ATRIP: variants seen among roughly 807,000 people sequenced by gnomAD.
ATRIP encodes the protein ATR-interacting protein.
In ATRIP, 44 loss-of-function variants were observed where a neutral mutation model predicts 78.1. The ratio of observed to expected loss-of-function variants is 0.56; its 90% CI spans 0.44 to 0.72. The LOEUF (loss-of-function observed/expected upper bound fraction) is 0.72, where lower values mean the gene tolerates loss of function less well. Ranked by LOEUF, ATRIP falls within the 30% of genes least tolerant of loss-of-function variation. The pLI is 0.00. For synonymous variants in ATRIP, 388 were observed against 408.9 expected, an observed-to-expected ratio of 0.95 and a Z score of 0.62; for missense variants, 927 against 980.2, an observed-to-expected ratio of 0.95 and a Z score of 0.72.
chr3:48,466,254 G>C lies in ATRIP; in HGVS notation c.*700G>C. ...CACTTCCCGCCACTGCTGCCAGCGA[G>C]AGCCGCGGGAGAGTGTGCAGCCGAG... On this transcript the variant is annotated 3_prime_UTR_variant, in exon 13 of 13. Transcript: ENST00000320211. 1 of 612,480 alleles carries C rather than the reference G, an allele frequency of 1.6e-6. No individual in the cohort carries two copies. Among genetic ancestry groups the C allele is most frequent in the Non-Finnish European group, 2.9e-6 (1 of 344,356 alleles). The allele number at this position is 612,480 out of a possible 1,614,324, so 37.9% of individuals were successfully genotyped here.
chr3:48,463,929 G>C (rs771861040), intron 9 of ATRIP, 48 bp downstream of exon 9: 2 of 1,608,390 alleles, frequency 1.2e-6, no homozygotes, highest in African/African-American at 2.7e-5. Flanking sequence ...CAGATCAAGG[G>C]AAGGGTTGGG....
In ATRIP at chr3:48,447,043, C is replaced by T. The variant is rs778246445; in HGVS notation, c.198C>T (p.Leu66=). 4.5e-6 allele frequency: 7 copies of T among 1,570,028 alleles called. No individual in the cohort carries two copies. The highest frequency in any genetic ancestry group is 2.3e-5 in the South Asian group (2 of 86,396). Residue 66 remains leucine, a synonymous_variant, in exon 1 of 13, where the codon CTC becomes CTT. Coordinates refer to ENST00000320211, the MANE Select transcript of ATRIP (RefSeq NM_130384.3). ...TADDLEELDT[L]ASQALSQCPA... is the part of the protein sequence containing the mutation. ...ACGACCTGGAGGAGCTTGACACCCT[C>T]GCGTCACAGGCCCTGAGCCAATGTC...
Position 48,467,253 on chromosome 3 carries a change from G to GAT in ATRIP, c.*1700_*1701dup, listed in dbSNP as rs1344830762. Reference sequence around the variant, plus strand: ...TCCAGACTCGCACACGGCTGAGGGTGATGTCCTGGCCCTGCTCAGCATCTG... The same window carrying GAT: ...TCCAGACTCGCACACGGCTGAGGGTGATATGTCCTGGCCCTGCTCAGCATCTG... On this transcript the variant is annotated 3_prime_UTR_variant, in exon 13 of 13. Transcript: ENST00000320211. 1 of 1,614,032 alleles carries GAT rather than the reference G, an allele frequency of 6.2e-7. No homozygotes were observed. The highest frequency in any genetic ancestry group is 8.5e-7 in the Non-Finnish European group (1 of 1,180,032).
At chr3:48,451,383 C>G (rs1560102343) in intron 2 of ATRIP, among the ~76,000 whole-genome samples, 1 of 152,138 alleles carries the variant, frequency 6.6e-6, no homozygotes, top group African/African-American at 2.4e-5. Flanking sequence ...CCTAGCTACT[C>G]AAGAGGTTGA....
At chr3:48,459,595 A>G (rs1299636091) in intron 6 of ATRIP, 141 bp downstream of exon 6, 1 of 1,138,242 alleles carries the variant, frequency 8.8e-7, no homozygotes, top group Non-Finnish European at 1.3e-6. Context: ...GCTTAAGCAG[A>G]AGACTTTATA....
At chr3:48,462,580 G>A (rs1384611189) in intron 8 of ATRIP, among the ~76,000 whole-genome samples, 1 of 152,042 alleles carries the variant, frequency 6.6e-6, no homozygotes, top group Non-Finnish European at 1.5e-5. Flanking sequence ...GCAGGCACCT[G>A]TAGTCCCAGC....
chr3:48,463,688 T>C, intron 8 of ATRIP, 57 bp from the exon 9 acceptor site: 2 of 1,604,464 alleles, frequency 1.2e-6, no homozygotes, highest in African/African-American at 2.7e-5. Context: ...AGTGTGAAGG[T>C]AGGTTATGGA....
chr3:48,458,078 C>CT (rs1328630526), intron 5 of ATRIP, among the ~76,000 whole-genome samples: 1,808 of 133,806 alleles, frequency 0.014, 33 homozygotes, highest in African/African-American at 0.041. Context: ...ATTTGTGGGC[C>CT]TTTTTTTTTT....
intron 2 of ATRIP, among the ~76,000 whole-genome samples, 189 bp from the exon 3 acceptor site, chr3:48,451,537 TTGA>T (rs1317935196): frequency 6.6e-6 from 1 of 152,198 alleles, no homozygotes; most frequent in East Asian, 1.9e-4. Flanking sequence ...TTAAGCTATC[TTGA>T]TGAATATCAG....
At chr3:48,464,513 G>C in intron 10 of ATRIP, 69 bp from the exon 11 acceptor site, 2 of 1,509,692 alleles carry the variant, frequency 1.3e-6, no homozygotes, top group South Asian at 1.1e-5. Context: ...TCTTATAGAA[G>C]CTTAAGAAAA....
intron 3 of ATRIP, among the ~76,000 whole-genome samples, 174 bp downstream of exon 3, chr3:48,452,073 G>T (rs1649098142): frequency 6.6e-6 from 1 of 152,220 alleles, no homozygotes; most frequent in South Asian, 2.1e-4. Context: ...TTTGGAAAGG[G>T]ATTTAGATGA....
At chr3:48,449,656 A>G (rs2107191107) in intron 1 of ATRIP, among the ~76,000 whole-genome samples, 1 of 151,022 alleles carries the variant, frequency 6.6e-6, no homozygotes, top group South Asian at 2.1e-4. Context: ...ATCCAGGCAC[A>G]GTGGCTGACG....
At chr3:48,459,040 T>C (rs1231001092) in intron 5 of ATRIP, among the ~76,000 whole-genome samples, 2 of 152,208 alleles carry the variant, frequency 1.3e-5, no homozygotes, top group Non-Finnish European at 2.9e-5. Context: ...GAGGAACAAA[T>C]GGGCTGATGC....
At chr3:48,462,943 T>C (rs1271263841) in intron 8 of ATRIP, among the ~76,000 whole-genome samples, 2 of 152,158 alleles carry the variant, frequency 1.3e-5, no homozygotes, top group Admixed American at 1.3e-4. Context: ...CTAAAGTGAG[T>C]TCACCCCACA....
In ATRIP at chr3:48,467,537, G is replaced by A; in HGVS notation, c.*1983G>A. 1 of 1,613,920 alleles carries A rather than the reference G, an allele frequency of 6.2e-7. No individual in the cohort carries two copies. Among genetic ancestry groups the A allele is most frequent in the Non-Finnish European group, 8.5e-7 (1 of 1,180,002 alleles). ...GGCTGCTGGCCCCACTGGGTCTGCT[G>A]GCCATCCTGACCTTGGCAGTAGCCA... On this transcript the variant is annotated 3_prime_UTR_variant, in exon 13 of 13. Coordinates refer to ENST00000320211, the MANE Select transcript of ATRIP (RefSeq NM_130384.3).
intron 12 of ATRIP, 30 bp downstream of exon 12, chr3:48,465,113 C>A: frequency 6.3e-7 from 1 of 1,587,244 alleles, no homozygotes; most frequent in Non-Finnish European, 8.6e-7. Flanking sequence ...TCCTGCCCAG[C>A]CCCCATGGCT....
At chr3:48,450,554 T>C (rs1216206633) in intron 2 of ATRIP, 1 of 1,287,906 alleles carries the variant, frequency 7.8e-7, no homozygotes, top group Non-Finnish European at 1.0e-6. Context: ...ACCAGGAATA[T>C]GTGGAATTTT....
chr3:48,458,887 A>G (rs6442123), intron 5 of ATRIP, among the ~76,000 whole-genome samples: 86,372 of 152,058 alleles, frequency 0.57, 24,628 homozygotes, highest in East Asian at 0.7. Flanking sequence ...TGTTACAAGC[A>G]GGCAGTAGAG....
At chr3:48,459,518 G>A (rs555152233) in intron 6 of ATRIP, 64 bp downstream of exon 6, 2 of 1,506,898 alleles carry the variant, frequency 1.3e-6, no homozygotes, top group African/African-American at 1.4e-5. Context: ...CAGAAGAATT[G>A]CCCAGGCCTC....
Sources: gnomAD v4.1 joint callset for allele counts (sites outside exome capture counted in the v4.1 genomes callset) on GRCh38, gnomAD v4.1.1 for gene constraint, MANE v1.5 for transcripts, NCBI Gene and HGNC (gene_info 2026-07-23, HGNC 2026-07-21) for gene names.